ZNF236: variants seen among roughly 807,000 people sequenced by gnomAD.
The protein encoded by ZNF236 is regulated by glucose.
A neutral mutation model predicts 191.2 loss-of-function variants in ZNF236; 50 were observed. That is an observed-to-expected ratio of 0.26 (90% CI 0.21 to 0.33). The LOEUF (loss-of-function observed/expected upper bound fraction) is 0.33, where lower values mean the gene tolerates loss of function less well. ZNF236 is among the 10% of genes least tolerant of loss of function. ZNF236 has a pLI of 1.00. For synonymous variants in ZNF236, 907 were observed against 928.8 expected (o/e 0.98, Z 0.43); for missense variants, 1,754 against 2,374.5 (o/e 0.74, Z 5.43).
At chr18:76,950,350 C>T (rs544956559) in intron 27 of ZNF236, among the ~76,000 whole-genome samples, 120 of 152,260 alleles carry the variant, frequency 7.9e-4, no homozygotes, top group African/African-American at 2.5e-3. Flanking sequence ...CAATGTTCAC[C>T]GCATCATCAC....
Position 76,970,731 on chromosome 18 carries a change from GATTA to G in ZNF236, c.*2396_*2399del, listed in dbSNP as rs1413612410. 1 of 152,244 alleles carries G rather than the reference GATTA, an allele frequency of 6.6e-6. No homozygotes were observed. Among genetic ancestry groups the G allele is most frequent in the Non-Finnish European group, 1.5e-5 (1 of 68,038 alleles). The allele number at this position is 152,244 out of a possible 1,614,324, so 9.4% of individuals were successfully genotyped here. ...AATAAAAGATGAAGTTAGGAAATGT[GATTA>G]ATTTTTTTCGTTTGAAAATATTTAA... On this transcript the variant is annotated 3_prime_UTR_variant, in exon 31 of 31. Coordinates refer to ENST00000320610, the MANE Select transcript of ZNF236 (RefSeq NM_001306089.2).
At position 76,908,507 on chromosome 18, in the gene ZNF236, G is replaced by T. The variant is rs1247052343; in HGVS notation, c.2485G>T (p.Val829Leu). 1 of 1,613,980 alleles carries T rather than the reference G, an allele frequency of 6.2e-7. No individual in the cohort carries two copies. Among genetic ancestry groups the T allele is most frequent in the Non-Finnish European group, 8.5e-7 (1 of 1,180,032 alleles). The change falls in exon 14 of 31, where the codon GTG becomes TTG. Residue 829 changes from valine (V) to leucine (L), a missense_variant. Coordinates refer to ENST00000320610, the MANE Select transcript of ZNF236 (RefSeq NM_001306089.2). The part of the protein sequence containing the change: ...EAMLDLEPQH[V>L]VGTEEAGLGQ... ...CATGCTGGACCTGGAGCCTCAGCAT[G>T]TGGTGGGCACGGAGGAAGCAGGGCT...
In ZNF236 at chr18:76,968,576, AG is replaced by A; in HGVS notation, c.*239del. ...AATCACTGAACTCAGGTACTACTGT[AG>A]GCAGTTTCCTCCTCAGTCTCCTCCG... On this transcript the variant is annotated 3_prime_UTR_variant, in exon 31 of 31. Transcript: ENST00000320610. 7.8e-7 allele frequency: 1 copy of A among 1,280,208 alleles called. No homozygotes were observed. Among genetic ancestry groups the A allele is most frequent in the South Asian group, 1.9e-5 (1 of 51,502 alleles). The allele number at this position is 1,280,208 out of a possible 1,614,324, so 79.3% of individuals were successfully genotyped here. A position where few individuals can be genotyped will look rare whatever the true frequency, so the allele number is the denominator to read the frequency against.
intron 5 of ZNF236, among the ~76,000 whole-genome samples, chr18:76,874,844 G>C (rs909101929): frequency 5.3e-5 from 8 of 152,210 alleles, no homozygotes; most frequent in Non-Finnish European, 1.2e-4. Flanking sequence ...AGAGAGCAGG[G>C]GCAGGGGAGC....
intron 26 of ZNF236, among the ~76,000 whole-genome samples, chr18:76,946,305 T>C: frequency 6.6e-6 from 1 of 152,232 alleles, no homozygotes; most frequent in East Asian, 1.9e-4. Flanking sequence ...TGCTCCTTCA[T>C]GCCTTCCACC....
intron 1 of ZNF236, among the ~76,000 whole-genome samples, chr18:76,845,856 A>G (rs1009874845): frequency 1.3e-5 from 2 of 152,156 alleles, no homozygotes; most frequent in Admixed American, 6.5e-5. Context: ...CTTAAAAAAA[A>G]AAAAAAATTA....
chr18:76,829,157 C>A (rs567973462), intron 1 of ZNF236, among the ~76,000 whole-genome samples: 1 of 152,086 alleles, frequency 6.6e-6, no homozygotes, highest in East Asian at 1.9e-4. Flanking sequence ...ATATTTCAAG[C>A]CTTTATGTTG....
chr18:76,836,285 A>ATCTC, intron 1 of ZNF236, among the ~76,000 whole-genome samples: 1 of 151,342 alleles, frequency 6.6e-6, no homozygotes, highest in Non-Finnish European at 1.5e-5. Context: ...CAGTGGTGCG[A>ATCTC]GCATAGCTCA....
rs572575254 is a variant in ZNF236 at position 76,915,946 on chromosome 18, C to T, written c.3274+87C>T. The T allele has an allele frequency of 6.3e-4, 817 of 1,289,214 alleles. 1 individual carries two copies. Among genetic ancestry groups the T allele is most frequent in the South Asian group, 1.5e-3 (109 of 75,014 alleles). The allele number at this position is 1,289,214 out of a possible 1,614,324, so 79.9% of individuals were successfully genotyped here. A position where few individuals can be genotyped will look rare whatever the true frequency, so the allele number is the denominator to read the frequency against. Reference sequence around the variant, plus strand: ...TCACAAATCACCGTGAGTATTTTGACGTGGCTATATATAGATTAGTTCAGT... The same window carrying T: ...TCACAAATCACCGTGAGTATTTTGATGTGGCTATATATAGATTAGTTCAGT... On this transcript the variant is annotated intron_variant, in intron 19 of 30. Coordinates refer to ENST00000320610, the MANE Select transcript of ZNF236 (RefSeq NM_001306089.2).
At chr18:76,922,559 T>G (rs939899488) in intron 20 of ZNF236, among the ~76,000 whole-genome samples, 2 of 141,324 alleles carry the variant, frequency 1.4e-5, no homozygotes, top group Non-Finnish European at 3.1e-5. Context: ...AAGGAAATTG[T>G]CTTTTTTTTT....
At chr18:76,839,420 T>C (rs1599317667) in intron 1 of ZNF236, among the ~76,000 whole-genome samples, 2 of 152,400 alleles carry the variant, frequency 1.3e-5, no homozygotes, top group South Asian at 2.1e-4. Flanking sequence ...TGTAGCCATC[T>C]GATGGGTGTG....
At chr18:76,916,036 A>G (rs1392388411) in intron 19 of ZNF236, among the ~76,000 whole-genome samples, 177 bp downstream of exon 19, 2 of 152,228 alleles carry the variant, frequency 1.3e-5, no homozygotes, top group African/African-American at 4.8e-5. Flanking sequence ...CTTGGAAGAA[A>G]AATTCAGAGG....
chr18:76,921,060 G>T (rs1967519001), intron 20 of ZNF236, among the ~76,000 whole-genome samples: 1 of 152,234 alleles, frequency 6.6e-6, no homozygotes, highest in Non-Finnish European at 1.5e-5. Context: ...AAACCAAAGG[G>T]TGTGTTCCTT....
At chr18:76,846,593 C>A (rs1975690289) in intron 1 of ZNF236, among the ~76,000 whole-genome samples, 1 of 152,144 alleles carries the variant, frequency 6.6e-6, no homozygotes, top group Non-Finnish European at 1.5e-5. Context: ...TGTTTTTAAA[C>A]AATTTTCCAG....
At chr18:76,868,252 T>C (rs1397122384) in intron 3 of ZNF236, among the ~76,000 whole-genome samples, 1 of 152,158 alleles carries the variant, frequency 6.6e-6, no homozygotes, top group Non-Finnish European at 1.5e-5. Context: ...TACTAAAAAC[T>C]TGGAAGCTGG....
At position 76,948,445 on chromosome 18, in the gene ZNF236, G is replaced by A. The variant is rs1968322742; in HGVS notation, c.4914+793G>A. On this transcript the variant is annotated intron_variant, in intron 27 of 30. Transcript: ENST00000320610. The stretch of plus-strand genomic sequence containing the variant: ...ATAACTTTAGCACATTTGTGTCTGG[G>A]GTCCCCAAGACTGCCTTCAGGTTTG... Among the ~76,000 whole-genome samples the A allele has an allele frequency of 2.6e-5, 4 of 152,248 alleles. No homozygotes were observed. The South Asian group carries it at 8.3e-4, about 32-fold the overall frequency.
chr18:76,933,883 A>T (rs1449523177), intron 25 of ZNF236, among the ~76,000 whole-genome samples: 1 of 152,162 alleles, frequency 6.6e-6, no homozygotes, highest in African/African-American at 2.4e-5. Context: ...TAGTTAGGAG[A>T]TTGCCTCTTA....
chr18:76,931,392 C>G (rs1420464218), intron 25 of ZNF236, among the ~76,000 whole-genome samples: 1 of 152,194 alleles, frequency 6.6e-6, no homozygotes, highest in Non-Finnish European at 1.5e-5. Context: ...TGGCTTATGT[C>G]TAATTCTAGG....
intron 1 of ZNF236, among the ~76,000 whole-genome samples, chr18:76,839,135 G>A (rs926443670): frequency 1.3e-5 from 2 of 152,090 alleles, no homozygotes; most frequent in Non-Finnish European, 2.9e-5. Context: ...GTTGTTGGAG[G>A]GCATCTGTGT....
Sources: allele counts gnomAD v4.1 joint callset (sites outside exome capture counted in the v4.1 genomes callset), GRCh38; gene constraint gnomAD v4.1.1; transcripts MANE v1.5; gene names NCBI Gene and HGNC (gene_info 2026-07-23, HGNC 2026-07-21).